The following NAA16 variants were observed in gnomAD, a reference collection of about 807,000 sequenced individuals.
NAA16 encodes the protein NARG1-like protein.
NAA16 carries 97 observed loss-of-function variants against 110.3 expected under a neutral mutation model. That is an observed-to-expected ratio of 0.88 (90% CI 0.75 to 1.04). The LOEUF (loss-of-function observed/expected upper bound fraction) is 1.04. Ranked by LOEUF, NAA16 falls within the 50% of genes least tolerant of loss-of-function variation. The pLI, the probability that NAA16 is intolerant of heterozygous loss-of-function variation, is 0.00. For synonymous variants in NAA16, 372 were observed against 330.6 expected, an observed-to-expected ratio of 1.13 and a Z score of -1.36; for missense variants, 1,017 against 1,005.1, an observed-to-expected ratio of 1.01 and a Z score of -0.16.
chr13:41,375,330 T>C lies in NAA16; in HGVS notation c.2398-75T>C, dbSNP rs557047687. The C allele has an allele frequency of 1.9e-5, 20 of 1,033,412 alleles. No individual in the cohort carries two copies. The East Asian group carries it at 5.0e-4, about 26-fold the overall frequency. 64.0% of individuals were successfully genotyped at this position (1,033,412 alleles called of 1,614,324 possible). ...AGCTTTCTCAATTTAACACATTGCA[T>C]CTTTTGATTAAAGTGGTTATTAACT... On this transcript the variant is annotated intron_variant, in intron 19 of 19. Transcript: ENST00000379406.
intron 9 of NAA16, among the ~76,000 whole-genome samples, chr13:41,339,524 CAGACAA>C (rs1162045198): frequency 6.6e-6 from 1 of 152,084 alleles, no homozygotes; most frequent in East Asian, 1.9e-4. Context: ...GAGTGGTTGT[CAGACAA>C]ATTCCATAAC....
intron 5 of NAA16, among the ~76,000 whole-genome samples, chr13:41,324,500 C>G (rs1469007896): frequency 6.7e-6 from 1 of 149,964 alleles, no homozygotes; most frequent in Admixed American, 6.7e-5. Flanking sequence ...CTCAGCTTCC[C>G]GAGTAGCTGG....
intron 10 of NAA16, 57 bp downstream of exon 10, chr13:41,355,273 G>T: frequency 9.2e-7 from 1 of 1,083,966 alleles, no homozygotes; most frequent in South Asian, 1.4e-5. Flanking sequence ...TTTAATCACA[G>T]TAATGCTCTT....
chr13:41,319,031 A>G (rs1328656547), intron 3 of NAA16, 121 bp downstream of exon 3: 4 of 472,332 alleles, frequency 8.5e-6, no homozygotes, highest in Non-Finnish European at 1.5e-5. Context: ...AACTCTGTGT[A>G]TCCATTACTC....
At chr13:41,335,266 T>C (rs12867801) in intron 8 of NAA16, among the ~76,000 whole-genome samples, 2 of 152,172 alleles carry the variant, frequency 1.3e-5, no homozygotes, top group Non-Finnish European at 2.9e-5. Context: ...CAAGACATTG[T>C]TTACTGTTAT....
intron 17 of NAA16, 43 bp from the exon 18 acceptor site, chr13:41,373,594 G>T: frequency 1.3e-6 from 2 of 1,525,020 alleles, no homozygotes; most frequent in South Asian, 1.3e-5. Flanking sequence ...TTTTTCAAAG[G>T]ACAGATCAAA....
chr13:41,362,177 C>T lies in NAA16; in HGVS notation c.1539+18C>T, dbSNP rs143909645. 5.7e-6 allele frequency: 9 copies of T among 1,582,894 alleles called. No individual in the cohort carries two copies. The Admixed American group carries it at 9.6e-5, about 17-fold the overall frequency. On this transcript the variant is annotated intron_variant, in intron 13 of 19. Transcript: ENST00000379406. ...TAGAAAGGGTAAGTTGTTAGAATTT[C>T]GACTTCAGTTTTCACTGTAAGGTGA...
At chr13:41,320,541 C>T in intron 3 of NAA16, 126 bp from the exon 4 acceptor site, 1 of 879,552 alleles carries the variant, frequency 1.1e-6, no homozygotes, top group Non-Finnish European at 1.6e-6. Context: ...TCCCCTCCCC[C>T]AGACTCCAGA....
intron 4 of NAA16, among the ~76,000 whole-genome samples, chr13:41,322,275 G>A (rs1028722259): frequency 6.6e-6 from 1 of 152,104 alleles, no homozygotes; most frequent in Non-Finnish European, 1.5e-5. Context: ...TACAGACACT[G>A]GTGGTCAAAG....
chr13:41,374,670 A>C, intron 18 of NAA16, 72 bp from the exon 19 acceptor site: 1 of 973,050 alleles, frequency 1.0e-6, no homozygotes, highest in Non-Finnish European at 1.6e-6. Context: ...ATTTGAAGTC[A>C]CTGGCCAGTT....
rs111815434 is a variant in NAA16, at chr13:41,311,622, G to A, written c.54+40G>A. 2,405 of 1,578,204 alleles carry A rather than the reference G, an allele frequency of 1.5e-3. 32 individuals carry two copies. The African/African-American group carries it at 0.029, about 19-fold the overall frequency. ...GCCGCGCTGCCGCCCCCCGGTCCCC[G>A]GGTCCTCGGGCCTTAAGGGCAAGCG... On this transcript the variant is annotated intron_variant, in intron 1 of 19. Coordinates refer to ENST00000379406, the MANE Select transcript of NAA16 (RefSeq NM_024561.5).
At chr13:41,358,733 G>C in intron 11 of NAA16, 77 bp from the exon 12 acceptor site, 2 of 1,492,342 alleles carry the variant, frequency 1.3e-6, no homozygotes, top group Non-Finnish European at 1.8e-6. Flanking sequence ...TTTTTTGTCT[G>C]TGTAAATTAT....
intron 13 of NAA16, among the ~76,000 whole-genome samples, chr13:41,365,323 A>G (rs942580620): frequency 6.6e-6 from 1 of 152,184 alleles, no homozygotes; most frequent in Non-Finnish European, 1.5e-5. Context: ...CATTGTACCA[A>G]TGTCAGTTTC....
intron 3 of NAA16, 146 bp from the exon 4 acceptor site, chr13:41,320,521 C>A: frequency 1.4e-6 from 1 of 699,890 alleles, no homozygotes; most frequent in South Asian, 2.8e-5. Context: ...CTTTAACTTC[C>A]CCTCACCATT....
Position 41,367,591 on chromosome 13 carries a change from A to G in NAA16, c.1692A>G (p.Ile564Met), listed in dbSNP as rs1205416640. 1 of 1,613,316 alleles carries G rather than the reference A, an allele frequency of 6.2e-7. No individual in the cohort carries two copies. The highest frequency in any genetic ancestry group is 8.5e-7 in the Non-Finnish European group (1 of 1,179,648). Residue 564 changes from isoleucine (I) to methionine (M), a missense_variant, in exon 14 of 20, where the codon ATA (isoleucine) becomes ATG (methionine). Physicochemically the swap from Ile to Met is conservative, Grantham distance 10. Transcript: ENST00000379406. ...AGGCTGCTAGATCAGCGATTGAAATATACTTGAAATTGTATGATAATCCCT... is the reference window on the plus strand; with the variant it reads ...AGGCTGCTAGATCAGCGATTGAAATGTACTTGAAATTGTATGATAATCCCT... ...YFKAARSAIE[I>M]YLKLYDNPLT...
intron 18 of NAA16, among the ~76,000 whole-genome samples, chr13:41,374,093 A>G (rs867525811): frequency 4.6e-5 from 7 of 152,030 alleles, no homozygotes; most frequent in East Asian, 1.9e-4. Context: ...GGAAGTGTCT[A>G]CGAAAGCTTT....
intron 6 of NAA16, among the ~76,000 whole-genome samples, chr13:41,327,223 T>A (rs1294424132): frequency 6.6e-6 from 1 of 151,712 alleles, no homozygotes; most frequent in Non-Finnish European, 1.5e-5. Flanking sequence ...ATGACACTTT[T>A]AAAAGTTATT....
intron 9 of NAA16, among the ~76,000 whole-genome samples, chr13:41,340,244 G>T (rs185497249): frequency 6.6e-6 from 1 of 151,952 alleles, no homozygotes; most frequent in South Asian, 2.1e-4. Flanking sequence ...GAGGCTTTGG[G>T]GTCTCTCCAT....
At chr13:41,360,509 T>G (rs185116982) in intron 12 of NAA16, among the ~76,000 whole-genome samples, 75 of 152,088 alleles carry the variant, frequency 4.9e-4, no homozygotes, top group Non-Finnish European at 9.0e-4. Flanking sequence ...AGAAAGAAGG[T>G]GAGAGGAGTT....
Sources: allele counts gnomAD v4.1 joint callset (sites outside exome capture counted in the v4.1 genomes callset), GRCh38; gene constraint gnomAD v4.1.1; transcripts MANE v1.5; gene names NCBI Gene and HGNC (gene_info 2026-07-23, HGNC 2026-07-21).